Variants in IGF2 observed in about 807,000 individuals in gnomAD.
IGF2 encodes the protein insulin like growth factor 2.
IGF2 carries 2 observed loss-of-function variants against 12.0 expected under a neutral mutation model. The observed-to-expected ratio is 0.17, with a 90% CI of 0.07 to 0.52. IGF2 has a LOEUF of 0.52. IGF2 is among the 20% of genes least tolerant of loss of function. The pLI, the probability that IGF2 is intolerant of heterozygous loss-of-function variation, is 0.95. For synonymous variants in IGF2, 105 were observed against 110.1 expected (o/e 0.95, Z 0.29); for missense variants, 211 against 268.0 (o/e 0.79, Z 1.48).
At chr11:2,143,464 A>G (rs1388179093), upstream of IGF2, among the ~76,000 whole-genome samples, 4 of 152,204 alleles carry the variant, frequency 2.6e-5, no homozygotes, top group Non-Finnish European at 5.9e-5. Flanking sequence ...TGTTTTGGAA[A>G]CAATGCCTAA....
At chr11:2,139,576 C>CG (rs565127670), upstream of IGF2, among the ~76,000 whole-genome samples, 82,632 of 96,214 alleles carry the variant, frequency 0.86, 35,423 homozygotes, top group East Asian at 0.96. Flanking sequence ...CCTGGGGCCC[C>CG]GGGGGGGGGG....
upstream of IGF2, among the ~76,000 whole-genome samples, chr11:2,145,980 T>C (rs990940370): frequency 6.6e-5 from 10 of 151,606 alleles, no homozygotes; most frequent in East Asian, 2.0e-3. Context: ...GGGGCCAGGG[T>C]CTCCTCCCAC....
rs914918792 is a variant in IGF2 at position 2,131,093 on chromosome 11, C to T, written c.*1894G>A. 21 of 232,450 alleles carry T rather than the reference C, an allele frequency of 9.0e-5. No individual in the cohort carries two copies. The highest frequency in any genetic ancestry group is 1.4e-4 in the Non-Finnish European group (17 of 117,900). 14.4% of individuals were successfully genotyped at this position (232,450 alleles called of 1,614,324 possible). On this transcript the variant is annotated 3_prime_UTR_variant, in exon 4 of 4. Transcript: ENST00000416167. Reference sequence around the variant, plus strand: ...GGTATGGGGAGCATCGTGGCTCACGCTGCGGGGGCCGTGGGGACAGGCGCC... The same window carrying T: ...GGTATGGGGAGCATCGTGGCTCACGTTGCGGGGGCCGTGGGGACAGGCGCC...
chr11:2,138,642 G>A lies in IGF2; in HGVS notation c.-420C>T. ...GCACAGCGGGAGAGAACAGCACGGA[G>A]AGAAACAGAAAGCGTGTAATTAATC... On this transcript the variant is annotated 5_prime_UTR_variant, in exon 1 of 4. Coordinates refer to ENST00000416167, the MANE Select transcript of IGF2 (RefSeq NM_000612.6). 1.0e-6 allele frequency: 1 copy of A among 978,170 alleles called. No homozygotes were observed. Among genetic ancestry groups the A allele is most frequent in the Non-Finnish European group, 1.2e-6 (1 of 827,984 alleles). 60.6% of individuals were successfully genotyped at this position (978,170 alleles called of 1,614,324 possible). A position where few individuals can be genotyped will look rare whatever the true frequency, so the allele number is the denominator to read the frequency against.
chr11:2,139,911 C>A (rs952420914), upstream of IGF2, among the ~76,000 whole-genome samples: 6 of 152,080 alleles, frequency 3.9e-5, no homozygotes, highest in Non-Finnish European at 8.8e-5. Context: ...GGCGCGCAGC[C>A]GCCACCTGCC....
chr11:2,142,225 A>T (rs1314716636), upstream of IGF2, among the ~76,000 whole-genome samples: 1 of 151,472 alleles, frequency 6.6e-6, no homozygotes, highest in Non-Finnish European at 1.5e-5. The surrounding 1 kb of genome is among the most constrained non-coding windows in gnomAD (Gnocchi z 5.7). Flanking sequence ...AAAAAACCTC[A>T]ATTGTTTTGT....
chr11:2,146,571 G>A, the IGF2 span: 1 of 367,234 alleles, frequency 2.7e-6, no homozygotes, highest in Admixed American at 3.5e-5. Context: ...TTGGGAGAGG[G>A]CCCTGGGAGA....
At position 2,130,591 on chromosome 11, in the gene IGF2, A is replaced by ACAC. The variant is rs1858476772; in HGVS notation, c.*2395_*2396insGTG. 9.8e-6 allele frequency: 2 copies of ACAC among 203,418 alleles called. No individual in the cohort carries two copies. The highest frequency in any genetic ancestry group is 5.2e-5 in the African/African-American group (2 of 38,120). The allele number at this position is 203,418 out of a possible 1,614,324, so 12.6% of individuals were successfully genotyped here. On this transcript the variant is annotated 3_prime_UTR_variant, in exon 4 of 4. Coordinates refer to ENST00000416167, the MANE Select transcript of IGF2 (RefSeq NM_000612.6). The stretch of plus-strand genomic sequence containing the variant: ...CTAAGGAGGGGTAAAAAAAAAACAA[A>ACAC]AAAAAAAAAAAAAGGAAAAATGCCC...
At chr11:2,139,853 G>A (rs990122496), upstream of IGF2, among the ~76,000 whole-genome samples, 2 of 151,946 alleles carry the variant, frequency 1.3e-5, no homozygotes, top group Non-Finnish European at 2.9e-5. Context: ...CTGAGTCGGG[G>A]GGTCCTTGCT....
the IGF2 span, chr11:2,149,486 C>T: frequency 1.3e-6 from 1 of 741,746 alleles, no homozygotes; most frequent in Non-Finnish European, 2.2e-6. Flanking sequence ...TCATCCCCTC[C>T]ACTCGTTTCC....
upstream of IGF2, chr11:2,140,415 G>A: frequency 1.1e-6 from 1 of 939,706 alleles, no homozygotes; most frequent in Admixed American, 2.7e-5. Context: ...AGGGGAAGGG[G>A]CCGCCGGCGG....
chr11:2,142,370 A>G (rs1385183749), upstream of IGF2, among the ~76,000 whole-genome samples: 4 of 152,108 alleles, frequency 2.6e-5, no homozygotes, highest in Non-Finnish European at 4.4e-5. This position sits in a 1 kb window ranked among gnomAD's most constrained non-coding sequence, Gnocchi z 5.7. Flanking sequence ...GGGGGTCCAT[A>G]TGTACATTTT....
Position 2,130,534 on chromosome 11 carries a change from G to T in IGF2, c.*2453C>A, listed in dbSNP as rs538570399. The T allele has an allele frequency of 8.6e-5, 19 of 220,110 alleles. No homozygotes were observed. The East Asian group carries it at 1.2e-3, about 14-fold the overall frequency. 13.6% of individuals were successfully genotyped at this position (220,110 alleles called of 1,614,324 possible). ...TCACTGCCCCCCTGTTACATGGGGG[G>T]GGGGTTTAATTTGGTTTCTGAGCGC... On this transcript the variant is annotated 3_prime_UTR_variant, in exon 4 of 4. Coordinates refer to ENST00000416167, the MANE Select transcript of IGF2 (RefSeq NM_000612.6).
In IGF2 at chr11:2,135,485, G is replaced by T. The variant is rs952865890; in HGVS notation, c.39C>A (p.Leu13=). 1.2e-6 allele frequency: 2 copies of T among 1,613,612 alleles called. No individual in the cohort carries two copies. The highest frequency in any genetic ancestry group is 2.7e-5 in the African/African-American group (2 of 74,950). Residue 13 remains leucine (L), a synonymous_variant, in exon 2 of 4, where the codon CTC becomes CTA. Transcript: ENST00000416167. The stretch of plus-strand genomic sequence containing the variant: ...AGCACGAGGCGAAGGCCAAGAAGGT[G>T]AGAAGCACCAGCATCGACTTCCCCA... ...IPMGKSMLVL[L]TFLAFASCCI...
Position 2,138,919 on chromosome 11 carries a change from T to TG in IGF2, c.-698dup, listed in dbSNP as rs1376290328. Reference sequence around the variant, plus strand: ...CGGACCGCGGGCGCCCAGCTCGGTTTGGGCCGACGGAGCCCTCTGCCGTCG... The same window carrying TG: ...CGGACCGCGGGCGCCCAGCTCGGTTTGGGGCCGACGGAGCCCTCTGCCGTCG... On this transcript the variant is annotated 5_prime_UTR_variant, in exon 1 of 4. Transcript: ENST00000416167. 1 of 982,678 alleles carries TG rather than the reference T, an allele frequency of 1.0e-6. No individual in the cohort carries two copies. The highest frequency in any genetic ancestry group is 1.8e-5 in the African/African-American group (1 of 56,202). 60.9% of individuals were successfully genotyped at this position (982,678 alleles called of 1,614,324 possible). A position where few individuals can be genotyped will look rare whatever the true frequency, so the allele number is the denominator to read the frequency against.
chr11:2,140,825 G>A (rs1859533283), upstream of IGF2: 1 of 327,122 alleles, frequency 3.1e-6, no homozygotes, highest in Non-Finnish European at 5.8e-6. Context: ...GGGGCGCAGA[G>A]GCGGAGGGGA....
chr11:2,145,676 GCA>G (rs1291346401), upstream of IGF2, among the ~76,000 whole-genome samples: 1 of 152,210 alleles, frequency 6.6e-6, no homozygotes, highest in Non-Finnish European at 1.5e-5. Flanking sequence ...GGTGCCCACA[GCA>G]GGGTGTAGTG....
Position 2,135,460 on chromosome 11 carries a change from A to C in IGF2, c.64T>G (p.Cys22Gly). Residue 22 changes from cysteine to glycine, a missense_variant, in exon 2 of 4, where the codon TGC becomes GGC. Transcript: ENST00000416167. ...LLTFLAFASC[C>G]IAAYRPSETL... is the part of the protein sequence containing the mutation. ...TCACTGGGGCGGTAAGCAGCAATGC[A>C]GCACGAGGCGAAGGCCAAGAAGGTG... is the stretch of plus-strand genomic sequence containing the variant. 2 of 1,613,840 alleles carry C rather than the reference A, an allele frequency of 1.2e-6. No individual in the cohort carries two copies. Among genetic ancestry groups the C allele is most frequent in the Non-Finnish European group, 1.7e-6 (2 of 1,179,996 alleles).
At position 2,133,031 on chromosome 11, in the gene IGF2, C is replaced by T. The variant is rs377316111; in HGVS notation, c.499G>A (p.Ala167Thr). ...ATCTCTGGGGGGGCGCCCCCGTGGGCGGGGTCTTGGGTGGGTAGAGCAATC... is the reference window on the plus strand; with the variant it reads ...ATCTCTGGGGGGGCGCCCCCGTGGGTGGGGTCTTGGGTGGGTAGAGCAATC... ...PLIALPTQDPAHGGAPPEMAS... is the reference protein window; with the variant it reads ...PLIALPTQDPTHGGAPPEMAS... The change falls in exon 4 of 4, where the codon GCC becomes ACC. Residue 167 changes from alanine to threonine, a missense_variant. Ala to Thr is a moderately conservative substitution (Grantham distance 58). Around this residue, in one of 3 missense-constraint regions of IGF2, gnomAD observed 141 missense variants for 153.1 expected, o/e 0.92. Coordinates refer to ENST00000416167, the MANE Select transcript of IGF2 (RefSeq NM_000612.6). The surrounding 1 kb of genome is among the most constrained non-coding windows in gnomAD (Gnocchi z 8.9). 10 of 1,563,864 alleles carry T rather than the reference C, an allele frequency of 6.4e-6. No homozygotes were observed. The highest frequency in any genetic ancestry group is 1.2e-5 in the South Asian group (1 of 85,710).
Sources: gnomAD v4.1 joint callset for allele counts (sites outside exome capture counted in the v4.1 genomes callset) on GRCh38, gnomAD v4.1.1 for gene constraint, gnomAD v4.1.1 regional missense constraint, Gnocchi (gnomAD v3.1) non-coding constraint, MANE v1.5 for transcripts, NCBI Gene and HGNC (gene_info 2026-07-23, HGNC 2026-07-21) for gene names.